NUP210: variants seen among roughly 807,000 people sequenced by gnomAD.
NUP210 encodes the protein nucleoporin 210.
In NUP210, 151 loss-of-function variants were observed where a neutral mutation model predicts 196.0. That is an observed-to-expected ratio of 0.77 (90% confidence interval 0.67 to 0.88). The LOEUF is 0.88. NUP210 is among the 40% of genes least tolerant of loss of function. The pLI is 0.00. For missense variants in NUP210, 2,314 were observed against 2,493.7 expected, an observed-to-expected ratio of 0.93 and a Z score of 1.53; for synonymous variants, 1,070 against 1,052.7, an observed-to-expected ratio of 1.02 and a Z score of -0.32.
At chr3:13,359,607 C>T (rs563346794) in intron 15 of NUP210, among the ~76,000 whole-genome samples, 6 of 152,300 alleles carry the variant, frequency 3.9e-5, no homozygotes, top group Admixed American at 6.5e-5. Context: ...TGATTCCCGC[C>T]GAATACCCCT....
chr3:13,322,817 C>T (rs1030021996), intron 34 of NUP210, among the ~76,000 whole-genome samples: 4 of 152,200 alleles, frequency 2.6e-5, no homozygotes, highest in Non-Finnish European at 5.9e-5. Flanking sequence ...ACGAGAAGGG[C>T]GGTGCTTCAC....
Position 13,367,337 on chromosome 3 carries a change from A to C in NUP210, c.1787-1246T>G, listed in dbSNP as rs564677631. Among the ~76,000 whole-genome samples the C allele has an allele frequency of 3.0e-4, 45 of 152,182 alleles. 1 individual carries two copies. In the South Asian group the frequency reaches 9.3e-3, roughly 32 times the overall value. On this transcript the variant is annotated intron_variant, in intron 13 of 39. Coordinates refer to ENST00000254508, the MANE Select transcript of NUP210 (RefSeq NM_024923.4). ...GTAATCCCAGCTACTTGGGAGGCTGAGGCAGGAGAATTGCTGGAACCTGGG... is the reference window on the plus strand; with the variant it reads ...GTAATCCCAGCTACTTGGGAGGCTGCGGCAGGAGAATTGCTGGAACCTGGG...
At chr3:13,353,402 C>T (rs1209282967) in intron 18 of NUP210, 152 bp downstream of exon 18, 1 of 641,850 alleles carries the variant, frequency 1.6e-6, no homozygotes, top group African/African-American at 1.8e-5. Context: ...AATAGCAGTG[C>T]CTCTCCTGGG....
chr3:13,390,773 CA>C (rs1699463076), intron 4 of NUP210, among the ~76,000 whole-genome samples: 1 of 152,356 alleles, frequency 6.6e-6, no homozygotes, highest in East Asian at 1.9e-4. Flanking sequence ...GTGTCCGCCT[CA>C]CAACTGGTCT....
Position 13,342,002 on chromosome 3 carries a change from G to A in NUP210, c.3086C>T (p.Thr1029Ile). Residue 1029 changes from threonine (T) to isoleucine (I), a missense_variant, in exon 22 of 40, where the codon ACA (threonine) becomes ATA (isoleucine). Physicochemically the swap from Thr to Ile is moderately conservative, Grantham distance 89. Transcript: ENST00000254508. Reference protein sequence around the residue: ...LKLRAASPIITLVALDEALDN... With the variant: ...LKLRAASPIIILVALDEALDN... Reference sequence around the variant, plus strand: ...GACCCCTAGGAGAACTCACACCAATGTAATGATCGGGGAGGCTGCTCGGAG... The same window carrying A: ...GACCCCTAGGAGAACTCACACCAATATAATGATCGGGGAGGCTGCTCGGAG... 1 of 1,614,180 alleles carries A rather than the reference G, an allele frequency of 6.2e-7. No individual in the cohort carries two copies. The highest frequency in any genetic ancestry group is 8.5e-7 in the Non-Finnish European group (1 of 1,180,012).
chr3:13,317,912 G>A (rs575579087), intron 39 of NUP210, 131 bp from the exon 40 acceptor site: 32 of 642,360 alleles, frequency 5.0e-5, no homozygotes, highest in South Asian at 1.2e-4. Context: ...AGGCCTCCCC[G>A]GCCAGCAGAG....
At position 13,408,071 on chromosome 3, in the gene NUP210, G is replaced by A. The variant is rs1384048265; in HGVS notation, c.168-8210C>T. ...GGCACTGTGCAAGCAGAGACTTTAA[G>A]GACAGGCAGGCATGGACTCTATCAG... On this transcript the variant is annotated intron_variant, in intron 1 of 39. Transcript: ENST00000254508. 8.5e-5 allele frequency among the ~76,000 whole-genome samples: 13 copies of A among 152,280 alleles called. No homozygotes were observed. The East Asian group carries it at 2.5e-3, about 29-fold the overall frequency.
rs748314283 is a variant in NUP210, at chr3:13,352,103, T to C, written c.2710A>G (p.Ile904Val). The C allele has an allele frequency of 1.9e-6, 3 of 1,614,048 alleles. No homozygotes were observed. The highest frequency in any genetic ancestry group is 1.3e-5 in the African/African-American group (1 of 75,038). The change falls in exon 19 of 40, where the codon ATC becomes GTC. Residue 904 changes from isoleucine (I) to valine (V), a missense_variant. Transcript: ENST00000254508. Reference protein sequence around the residue: ...DVRVSPEEVTIYNHPGIQAEL... With the variant: ...DVRVSPEEVTVYNHPGIQAEL... ...ACCTGGATGCCAGGGTGGTTGTAGA[T>C]GGTCACCTCTTCTGGGCTCACCCTC...
At chr3:13,337,617 C>G (rs575290446) in intron 26 of NUP210, among the ~76,000 whole-genome samples, 17 of 152,316 alleles carry the variant, frequency 1.1e-4, no homozygotes, top group South Asian at 1.0e-3. Context: ...TGGTACTATT[C>G]CAGATGTGGG....
At chr3:13,363,475 T>C (rs895265844) in intron 14 of NUP210, among the ~76,000 whole-genome samples, 28 of 152,268 alleles carry the variant, frequency 1.8e-4, no homozygotes, top group African/African-American at 6.0e-4. Context: ...AATTATCACC[T>C]TCCTGTTTAA....
intron 8 of NUP210, among the ~76,000 whole-genome samples, chr3:13,378,079 A>T (rs1698980491): frequency 2.8e-5 from 4 of 143,228 alleles, no homozygotes. Flanking sequence ...ACTCTGTCTG[A>T]TCAAGGCTCT....
chr3:13,412,231 C>CTTT (rs71066953), intron 1 of NUP210, among the ~76,000 whole-genome samples: 2 of 104,786 alleles, frequency 1.9e-5, no homozygotes, highest in Non-Finnish European at 3.5e-5. Context: ...TTTTCCTTTT[C>CTTT]TTTTTTTTTT....
intron 3 of NUP210, among the ~76,000 whole-genome samples, chr3:13,395,782 T>C (rs1240353451): frequency 2.0e-5 from 3 of 152,222 alleles, no homozygotes; most frequent in Non-Finnish European, 4.4e-5. Context: ...TTCTGGTCTC[T>C]TGGGCAGGAG....
At chr3:13,337,571 T>C (rs183543039) in intron 26 of NUP210, among the ~76,000 whole-genome samples, 12 of 152,316 alleles carry the variant, frequency 7.9e-5, no homozygotes, top group African/African-American at 2.9e-4. Flanking sequence ...CGGAGTTGAG[T>C]TAAGTGCCAC....
chr3:13,380,918 T>C (rs1359538875), intron 6 of NUP210, among the ~76,000 whole-genome samples: 1 of 152,230 alleles, frequency 6.6e-6, no homozygotes, highest in Non-Finnish European at 1.5e-5. Context: ...CCCCAAAGTG[T>C]GGTCCCTGAA....
chr3:13,317,861 G>A (rs1696335672), intron 39 of NUP210, 80 bp from the exon 40 acceptor site: 4 of 1,004,904 alleles, frequency 4.0e-6, no homozygotes, highest in Non-Finnish European at 6.0e-6. Context: ...GCATTCAGCA[G>A]GCGCCTGCCT....
chr3:13,400,172 G>A (rs571628673), intron 1 of NUP210, among the ~76,000 whole-genome samples: 2 of 152,318 alleles, frequency 1.3e-5, no homozygotes, highest in East Asian at 1.9e-4. Context: ...CAAGACTCCT[G>A]CAGATGTGGG....
At chr3:13,338,102 G>A (rs1697302652) in intron 25 of NUP210, among the ~76,000 whole-genome samples, 185 bp from the exon 26 acceptor site, 2 of 152,312 alleles carry the variant, frequency 1.3e-5, no homozygotes, top group Non-Finnish European at 2.9e-5. Flanking sequence ...TCCCCTCATG[G>A]GCCAGCCACT....
rs35853026 is a variant in NUP210, at chr3:13,318,735, G to T, written c.5563+337C>A. Among the ~76,000 whole-genome samples, 1,025 of 152,292 alleles carry T rather than the reference G, an allele frequency of 6.7e-3. 5 individuals carry two copies. The highest frequency in any genetic ancestry group is 9.1e-3 in the South Asian group (44 of 4,822). ...TCAGAACTACCCAGAATCCCCATCT[G>T]TGAGTCAGCTCGTCCAACCCCAGCT... On this transcript the variant is annotated intron_variant, in intron 39 of 39. Transcript: ENST00000254508.
Sources: gnomAD v4.1 joint callset for allele counts (sites outside exome capture counted in the v4.1 genomes callset) on GRCh38, gnomAD v4.1.1 for gene constraint, MANE v1.5 for transcripts, NCBI Gene and HGNC (gene_info 2026-07-23, HGNC 2026-07-21) for gene names.